Variants in TMEM132D observed in about 807,000 individuals in gnomAD.
TMEM132D encodes transmembrane protein 132D, also known as mature OL transmembrane protein.
In TMEM132D, 21 loss-of-function variants were observed where a neutral mutation model predicts 62.3. The observed-to-expected ratio is 0.34, with a 90% CI of 0.24 to 0.49. The LOEUF (loss-of-function observed/expected upper bound fraction) is 0.49. TMEM132D is among the 20% of genes least tolerant of loss of function. The pLI, the probability that TMEM132D is intolerant of heterozygous loss-of-function variation, is 0.99. For synonymous variants in TMEM132D, 621 were observed against 575.6 expected (o/e 1.08, Z -1.13); for missense variants, 1,346 against 1,402.8 (o/e 0.96, Z 0.65).
chr12:129,544,787 A>G (rs1876685595), intron 2 of TMEM132D, among the ~76,000 whole-genome samples: 1 of 152,260 alleles, frequency 6.6e-6, no homozygotes, highest in South Asian at 2.1e-4. Context: ...AGACTTTGGG[A>G]CAACATTCCT....
At chr12:129,702,040 G>A (rs1162127000) in intron 1 of TMEM132D, among the ~76,000 whole-genome samples, 1 of 152,206 alleles carries the variant, frequency 6.6e-6, no homozygotes, top group African/African-American at 2.4e-5. Context: ...GCTGACTGCA[G>A]CACTGTAGCC....
intron 2 of TMEM132D, among the ~76,000 whole-genome samples, chr12:129,663,900 G>C (rs2137194060): frequency 6.6e-6 from 1 of 152,152 alleles, no homozygotes; most frequent in Middle Eastern, 3.4e-3. Context: ...TGCAAAGAAA[G>C]AAGTTGCATG....
intron 4 of TMEM132D, among the ~76,000 whole-genome samples, chr12:129,240,310 T>C (rs1386992411): frequency 1.3e-5 from 2 of 152,218 alleles, no homozygotes; most frequent in Admixed American, 6.5e-5. Flanking sequence ...ATTGCTAATA[T>C]AAGTTTGTTC....
intron 3 of TMEM132D, among the ~76,000 whole-genome samples, chr12:129,379,756 C>T (rs1368106401): frequency 1.3e-5 from 2 of 152,146 alleles, no homozygotes; most frequent in Non-Finnish European, 2.9e-5. Context: ...CAATAAAGTG[C>T]CAACATCTGA....
chr12:129,209,754 G>T, intron 4 of TMEM132D, 91 bp from the exon 5 acceptor site: 1 of 1,545,884 alleles, frequency 6.5e-7, no homozygotes, highest in African/African-American at 1.3e-5. Context: ...CAGCCTCCCT[G>T]CAAACAGCAC....
intron 3 of TMEM132D, among the ~76,000 whole-genome samples, chr12:129,385,452 T>A (rs1354472351): frequency 6.6e-6 from 1 of 152,100 alleles, no homozygotes; most frequent in Non-Finnish European, 1.5e-5. Context: ...ACTAGGACAC[T>A]TAGAGGAAAA....
intron 4 of TMEM132D, among the ~76,000 whole-genome samples, chr12:129,250,888 A>G (rs183371371): frequency 2.3e-4 from 35 of 152,318 alleles, no homozygotes; most frequent in Non-Finnish European, 4.4e-4. Context: ...GCAGAGGAAT[A>G]ATGTTTTAAA....
At chr12:129,266,950 C>A (rs551841744) in intron 4 of TMEM132D, among the ~76,000 whole-genome samples, 1 of 152,234 alleles carries the variant, frequency 6.6e-6, no homozygotes, top group Non-Finnish European at 1.5e-5. Flanking sequence ...TACCCAGCAC[C>A]AGAATGACCT....
At chr12:129,316,661 C>T (rs1158442329) in intron 4 of TMEM132D, among the ~76,000 whole-genome samples, 1 of 152,066 alleles carries the variant, frequency 6.6e-6, no homozygotes, top group Non-Finnish European at 1.5e-5. Flanking sequence ...CTGTTAAGTC[C>T]ATTTGTTCCA....
rs568851535 is a variant in TMEM132D at position 129,660,308 on chromosome 12, G to C, written c.968+39502C>G. 6.3e-4 allele frequency among the ~76,000 whole-genome samples: 39 copies of C among 62,308 alleles called. No homozygotes were observed. In the South Asian group the frequency reaches 0.022, roughly 35 times the overall value. 40.9% of individuals were successfully genotyped at this position (62,308 alleles called of 152,430 possible). On this transcript the variant is annotated intron_variant, in intron 2 of 8. Coordinates refer to ENST00000422113, the MANE Select transcript of TMEM132D (RefSeq NM_133448.3). Reference sequence around the variant, plus strand: ...AGCACACAGTGGTTCACTGTGTCTGGGATGCAAGGACAGCACCAGGGAAAG... The same window carrying C: ...AGCACACAGTGGTTCACTGTGTCTGCGATGCAAGGACAGCACCAGGGAAAG...
intron 5 of TMEM132D, among the ~76,000 whole-genome samples, chr12:129,173,527 T>C (rs1403419658): frequency 1.3e-5 from 2 of 152,248 alleles, no homozygotes; most frequent in Admixed American, 1.3e-4. Context: ...CTTCATCTGA[T>C]GAGTGGATGA....
chr12:129,714,159 G>A (rs1001235870), intron 1 of TMEM132D, among the ~76,000 whole-genome samples: 11 of 152,150 alleles, frequency 7.2e-5, no homozygotes, highest in African/African-American at 2.2e-4. Flanking sequence ...TGCACCTGGA[G>A]TGCCCATCCC....
intron 2 of TMEM132D, among the ~76,000 whole-genome samples, chr12:129,592,738 C>T (rs1878228609): frequency 6.6e-6 from 1 of 152,100 alleles, no homozygotes; most frequent in South Asian, 2.1e-4. Flanking sequence ...GCAAAACAAA[C>T]AGTGTGTGCT....
rs1411189750 is a variant in TMEM132D, at chr12:129,371,463, TGAC to T, written c.1116-33649_1116-33647del. 6.6e-6 allele frequency among the ~76,000 whole-genome samples: 1 copy of T among 151,980 alleles called. No homozygotes were observed. The highest frequency in any genetic ancestry group is 6.6e-5 in the Admixed American group (1 of 15,258). On this transcript the variant is annotated intron_variant, in intron 3 of 8. Transcript: ENST00000422113. The surrounding 1 kb of genome is among the most constrained non-coding windows in gnomAD (Gnocchi z 4.3). The stretch of plus-strand genomic sequence containing the variant: ...GATGTGATATTGATGATGGTGGTAA[TGAC>T]GATGATGATGTGATAATGGTGATAA...
At chr12:129,746,643 G>T (rs577730823) in intron 1 of TMEM132D, among the ~76,000 whole-genome samples, 3 of 152,068 alleles carry the variant, frequency 2.0e-5, no homozygotes, top group Non-Finnish European at 4.4e-5. Flanking sequence ...AGAGCAAAGG[G>T]ATTTCATCAT....
chr12:129,647,121 C>CATATATATAT (rs34158444), intron 2 of TMEM132D, among the ~76,000 whole-genome samples: 267 of 146,444 alleles, frequency 1.8e-3, no homozygotes, highest in East Asian at 8.9e-3. Flanking sequence ...TACATACATA[C>CATATATATAT]ATATATATAT....
chr12:129,275,557 A>G (rs1415196320), intron 4 of TMEM132D, among the ~76,000 whole-genome samples: 2 of 152,246 alleles, frequency 1.3e-5, no homozygotes, highest in Non-Finnish European at 2.9e-5. Flanking sequence ...CCTGGAGCTG[A>G]GACACACAAA....
chr12:129,839,068 G>T (rs561073273), intron 1 of TMEM132D, among the ~76,000 whole-genome samples: 245 of 133,002 alleles, frequency 1.8e-3, no homozygotes, highest in Non-Finnish European at 2.9e-3. Flanking sequence ...CTCCTTCCTC[G>T]GCTTCCCAAT....
intron 1 of TMEM132D, among the ~76,000 whole-genome samples, chr12:129,860,625 C>T (rs930957503): frequency 2.0e-5 from 3 of 152,146 alleles, no homozygotes; most frequent in Non-Finnish European, 2.9e-5. Context: ...GCTATGTCAT[C>T]TTGTTGGCTT....
Sources: allele counts gnomAD v4.1 joint callset (sites outside exome capture counted in the v4.1 genomes callset), GRCh38; gene constraint gnomAD v4.1.1; non-coding constraint Gnocchi (gnomAD v3.1); transcripts MANE v1.5; gene names NCBI Gene and HGNC (gene_info 2026-07-23, HGNC 2026-07-21).